The following FAM3D variants were observed in gnomAD, a reference collection of about 807,000 sequenced individuals.
The protein encoded by FAM3D is FAM3 metabolism regulating signaling molecule D.
In FAM3D, 26 loss-of-function variants were observed where a neutral mutation model predicts 29.8. That is an observed-to-expected ratio of 0.87 (90% confidence interval 0.64 to 1.21). FAM3D has a LOEUF of 1.21. FAM3D is among the 50% of genes most tolerant of loss of function. The probability of loss-of-function intolerance (pLI) is 0.00; values close to 1 mark genes in which losing one functional copy is unlikely to be tolerated. For missense variants in FAM3D, 253 were observed against 290.9 expected (o/e 0.87, Z 0.95); for synonymous variants, 115 against 102.3 (o/e 1.12, Z -0.75).
At chr3:58,640,228 C>T in intron 6 of FAM3D, 51 bp from the exon 7 acceptor site, 1 of 1,595,876 alleles carries the variant, frequency 6.3e-7, no homozygotes, top group Non-Finnish European at 8.6e-7. Context: ...GTCATTCTGC[C>T]TGTCGTTCTG....
rs910604455 is a variant in FAM3D at position 58,649,580 on chromosome 3, CAT to C, written c.122-244_122-243del. Among the ~76,000 whole-genome samples, 12 of 151,896 alleles carry C rather than the reference CAT, an allele frequency of 7.9e-5. No individual in the cohort carries two copies. The South Asian group carries it at 1.0e-3, about 13-fold the overall frequency. Reference sequence around the variant, plus strand: ...ACATATACACATGCACACACACACACATGCAGATATATGTGACACTCATGTAT... The same window carrying C: ...ACATATACACATGCACACACACACACGCAGATATATGTGACACTCATGTAT... On this transcript the variant is annotated intron_variant, in intron 3 of 9. Transcript: ENST00000358781.
chr3:58,655,999 T>G (rs951439249), intron 1 of FAM3D, among the ~76,000 whole-genome samples: 1 of 152,104 alleles, frequency 6.6e-6, no homozygotes, highest in Non-Finnish European at 1.5e-5. Flanking sequence ...CCATCCTCTA[T>G]CTGTTCACTT....
At chr3:58,641,640 T>C (rs954515501) in intron 6 of FAM3D, among the ~76,000 whole-genome samples, 1 of 152,198 alleles carries the variant, frequency 6.6e-6, no homozygotes, top group Admixed American at 6.5e-5. Context: ...AGTGCTGGGA[T>C]TACAGGCATG....
intron 1 of FAM3D, among the ~76,000 whole-genome samples, chr3:58,659,017 G>A (rs1393971013): frequency 1.3e-5 from 2 of 152,188 alleles, no homozygotes; most frequent in Non-Finnish European, 2.9e-5. Flanking sequence ...CGAATTTGTG[G>A]ATCAGACAGA....
Position 58,649,352 on chromosome 3 carries a change from A to G in FAM3D, c.122-14T>C. 2 of 1,613,580 alleles carry G rather than the reference A, an allele frequency of 1.2e-6. No individual in the cohort carries two copies. The highest frequency in any genetic ancestry group is 1.7e-4 in the Middle Eastern group (1 of 6,056). ...TGGGCGAGGCTGCTGGAGAGAAGAC[A>G]GAATCTGGTTAGAGGAAAAGCACTT... On this transcript the variant is annotated splice_polypyrimidine_tract_variant and intron_variant, in intron 3 of 9. Coordinates refer to ENST00000358781, the MANE Select transcript of FAM3D (RefSeq NM_138805.3).
chr3:58,656,509 T>C (rs1225815882), intron 1 of FAM3D, among the ~76,000 whole-genome samples: 1 of 147,368 alleles, frequency 6.8e-6, no homozygotes, highest in Non-Finnish European at 1.5e-5. Flanking sequence ...TCTCTTCACC[T>C]CCCCCTGTGT....
chr3:58,656,806 C>A (rs546778803), intron 1 of FAM3D, among the ~76,000 whole-genome samples: 1 of 152,348 alleles, frequency 6.6e-6, no homozygotes, highest in African/African-American at 2.4e-5. Flanking sequence ...CCTGGCACAG[C>A]CCCCAACACC....
intron 8 of FAM3D, 28 bp downstream of exon 8, chr3:58,637,113 G>A (rs761581161): frequency 1.2e-5 from 19 of 1,597,132 alleles, no homozygotes; most frequent in Non-Finnish European, 1.6e-5. Flanking sequence ...ATCACTGTGT[G>A]GCCTGGCAGG....
intron 4 of FAM3D, among the ~76,000 whole-genome samples, chr3:58,645,933 C>T (rs141506563): frequency 5.0e-4 from 76 of 152,274 alleles, no homozygotes; most frequent in African/African-American, 1.6e-3. Context: ...GTCACTATGA[C>T]GAAGGGACTC....
chr3:58,645,486 A>G, intron 5 of FAM3D, 23 bp downstream of exon 5: 1 of 991,780 alleles, frequency 1.0e-6, no homozygotes, highest in Non-Finnish European at 1.5e-6. Context: ...TAAAATAAAC[A>G]TAGTTGTGTC....
At chr3:58,637,810 T>C (rs2066216611) in intron 7 of FAM3D, among the ~76,000 whole-genome samples, 1 of 152,144 alleles carries the variant, frequency 6.6e-6, no homozygotes, top group African/African-American at 2.4e-5. Context: ...AGAACAGCTC[T>C]AGGTTTAGCA....
intron 1 of FAM3D, among the ~76,000 whole-genome samples, chr3:58,658,231 G>A (rs1051316708): frequency 7.2e-5 from 11 of 152,190 alleles, no homozygotes; most frequent in African/African-American, 2.4e-4. Flanking sequence ...CCTAGGATGC[G>A]GGGCATTGAG....
intron 1 of FAM3D, among the ~76,000 whole-genome samples, chr3:58,664,048 C>A (rs141878650): frequency 6.6e-6 from 1 of 151,388 alleles, no homozygotes; most frequent in African/African-American, 2.4e-5. Flanking sequence ...TGGTGGCCAA[C>A]AGCATGGATC....
At chr3:58,660,531 A>G (rs911739921) in intron 1 of FAM3D, among the ~76,000 whole-genome samples, 2 of 152,164 alleles carry the variant, frequency 1.3e-5, no homozygotes, top group Admixed American at 6.5e-5. Flanking sequence ...AAACAATAAG[A>G]CTAGTGGTTT....
At position 58,634,684 on chromosome 3, in the gene FAM3D, C is replaced by T. The variant is rs1191984177; in HGVS notation, c.586-316G>A. On this transcript the variant is annotated intron_variant, in intron 9 of 9. Transcript: ENST00000358781. The surrounding 1 kb of genome is among the most constrained non-coding windows in gnomAD (Gnocchi z 4.6). ...AATGATAGCAACAATAAAAAGAAGA[C>T]TCCGACCATGTCTTGAGCGCTTGCT... Among the ~76,000 whole-genome samples, 8 of 152,132 alleles carry T rather than the reference C, an allele frequency of 5.3e-5. No individual in the cohort carries two copies. The highest frequency in any genetic ancestry group is 5.2e-4 in the Admixed American group (8 of 15,272).
At chr3:58,649,633 CAT>C (rs1257278610) in intron 3 of FAM3D, among the ~76,000 whole-genome samples, 2 of 152,050 alleles carry the variant, frequency 1.3e-5, no homozygotes, top group Non-Finnish European at 2.9e-5. Flanking sequence ...GGTATGGTCA[CAT>C]ATACAGACAC....
intron 3 of FAM3D, among the ~76,000 whole-genome samples, chr3:58,650,531 T>C (rs2066606839): frequency 6.6e-6 from 1 of 151,938 alleles, no homozygotes; most frequent in Non-Finnish European, 1.5e-5. Context: ...CCCTAATCTG[T>C]TGAGGTCAAG....
At chr3:58,643,024 C>T (rs935787688) in intron 6 of FAM3D, among the ~76,000 whole-genome samples, 1 of 152,222 alleles carries the variant, frequency 6.6e-6, no homozygotes, top group African/African-American at 2.4e-5. Flanking sequence ...CACAATCCTT[C>T]AGGCCTTAGC....
At chr3:58,643,153 C>G (rs776980897) in intron 6 of FAM3D, among the ~76,000 whole-genome samples, 1 of 152,244 alleles carries the variant, frequency 6.6e-6, no homozygotes, top group Admixed American at 6.5e-5. Context: ...CAGAGAGGCT[C>G]ACCACATTGA....
Sources: gnomAD v4.1 joint callset for allele counts (sites outside exome capture counted in the v4.1 genomes callset) on GRCh38, gnomAD v4.1.1 for gene constraint, Gnocchi (gnomAD v3.1) non-coding constraint, MANE v1.5 for transcripts, NCBI Gene and HGNC (gene_info 2026-07-23, HGNC 2026-07-21) for gene names.